The following FAM120A variants were observed in gnomAD, a reference collection of about 807,000 sequenced individuals.
FAM120A encodes family with sequence similarity 120 member A, also known as constitutive coactivator of PPAR-gamma-like protein 1.
A neutral mutation model predicts 109.7 loss-of-function variants in FAM120A; 15 were observed. The observed-to-expected ratio is 0.14, with a 90% CI of 0.09 to 0.21. FAM120A has a LOEUF of 0.21. Ranked by LOEUF, FAM120A falls within the 10% of genes least tolerant of loss-of-function variation. The pLI, the probability that FAM120A is intolerant of heterozygous loss-of-function variation, is 1.00. For synonymous variants in FAM120A, 493 were observed against 572.8 expected, an observed-to-expected ratio of 0.86 and a Z score of 1.99; for missense variants, 899 against 1,439.3, an observed-to-expected ratio of 0.62 and a Z score of 6.07.
chr9:93,455,885 GCTCCTGAC>G (rs1387379186), intron 1 of FAM120A, among the ~76,000 whole-genome samples: 5 of 152,218 alleles, frequency 3.3e-5, no homozygotes, highest in African/African-American at 1.2e-4. Context: ...CTGGTCTTGA[GCTCCTGAC>G]CTCGTGATCC....
intron 7 of FAM120A, among the ~76,000 whole-genome samples, chr9:93,520,674 G>A (rs1036223502): frequency 6.6e-6 from 1 of 152,230 alleles, no homozygotes; most frequent in African/African-American, 2.4e-5. Flanking sequence ...AGGAAGGTGG[G>A]TGTGTGGTGT....
chr9:93,563,798 A>G (rs1862549432), intron 17 of FAM120A, among the ~76,000 whole-genome samples: 1 of 152,362 alleles, frequency 6.6e-6, no homozygotes, highest in Admixed American at 6.5e-5. Flanking sequence ...TTCCCTAGCA[A>G]TGACTGTATT....
intron 13 of FAM120A, among the ~76,000 whole-genome samples, chr9:93,557,160 G>A (rs1292381603): frequency 8.1e-6 from 1 of 123,772 alleles, no homozygotes; most frequent in Non-Finnish European, 1.6e-5. Flanking sequence ...ATGGAGTTTC[G>A]CTCTTGTCGC....
At position 93,564,294 on chromosome 9, in the gene FAM120A, A is replaced by G. The variant is rs768770334; in HGVS notation, c.3111A>G (p.Glu1037=). 1.2e-6 allele frequency: 2 copies of G among 1,614,178 alleles called. No individual in the cohort carries two copies. The highest frequency in any genetic ancestry group is 1.1e-5 in the South Asian group (1 of 91,088). Residue 1037 remains glutamate (E), a synonymous_variant, in exon 18 of 18, where the codon GAA becomes GAG. Transcript: ENST00000277165. The stretch of plus-strand genomic sequence containing the variant: ...AAGAACTTAAGTCAAAATCTGGGGA[A>G]TCGAAGTCCTCTGCTATGTCTTCAG... ...VAKELKSKSG[E]SKSSAMSSDG... is the part of the protein sequence containing the mutation.
At chr9:93,472,329 T>C (rs1470018896) in intron 2 of FAM120A, among the ~76,000 whole-genome samples, 1 of 152,244 alleles carries the variant, frequency 6.6e-6, no homozygotes, top group East Asian at 1.9e-4. Flanking sequence ...TGTGTTTTCT[T>C]TCTTTGCTCT....
chr9:93,525,572 T>C (rs1861041825), intron 7 of FAM120A, among the ~76,000 whole-genome samples: 1 of 152,248 alleles, frequency 6.6e-6, no homozygotes, highest in East Asian at 1.9e-4. Context: ...TGCCATGTAC[T>C]TCTAGGCCAG....
chr9:93,532,007 C>T lies in FAM120A; in HGVS notation c.1735-148C>T, dbSNP rs1397677933. ...GCCTGCCAAATGAACTCTTCCTAAA[C>T]ATCTTTATTTAGGCAAGTTGTTAAG... On this transcript the variant is annotated intron_variant, in intron 9 of 17. Coordinates refer to ENST00000277165, the MANE Select transcript of FAM120A (RefSeq NM_014612.5). The surrounding 1 kb of genome is among the most constrained non-coding windows in gnomAD (Gnocchi z 4.3). 1.3e-6 allele frequency: 1 copy of T among 751,058 alleles called. No homozygotes were observed. The highest frequency in any genetic ancestry group is 2.5e-5 in the East Asian group (1 of 40,010). The allele number at this position is 751,058 out of a possible 1,614,324, so 46.5% of individuals were successfully genotyped here. A position where few individuals can be genotyped will look rare whatever the true frequency, so the allele number is the denominator to read the frequency against.
chr9:93,487,576 C>T (rs1460698188), intron 3 of FAM120A, among the ~76,000 whole-genome samples: 1 of 152,174 alleles, frequency 6.6e-6, no homozygotes, highest in African/African-American at 2.4e-5. Context: ...TTACCTTAAG[C>T]AAAGAGTCAA....
At chr9:93,466,881 T>G (rs1361383948) in intron 1 of FAM120A, among the ~76,000 whole-genome samples, 14 of 152,192 alleles carry the variant, frequency 9.2e-5, no homozygotes, top group Admixed American at 8.5e-4. Context: ...TTAACCCTAG[T>G]GTTCCTGCAA....
chr9:93,502,726 A>G (rs1354250189), intron 5 of FAM120A, among the ~76,000 whole-genome samples: 1 of 152,222 alleles, frequency 6.6e-6, no homozygotes, highest in African/African-American at 2.4e-5. Context: ...GGACCTGCCT[A>G]TCTGGAAATG....
At chr9:93,557,704 T>C in intron 13 of FAM120A, 123 bp from the exon 14 acceptor site, 2 of 972,622 alleles carry the variant, frequency 2.1e-6, no homozygotes, top group Non-Finnish European at 1.5e-6. Context: ...TTTGCAGACA[T>C]AGAATTCATG....
chr9:93,521,189 T>C (rs1199908097), intron 7 of FAM120A, among the ~76,000 whole-genome samples: 1 of 152,178 alleles, frequency 6.6e-6, no homozygotes, highest in Non-Finnish European at 1.5e-5. Flanking sequence ...GGAAGCTCAG[T>C]TCTGAGTTTA....
chr9:93,456,492 T>A lies in FAM120A; in HGVS notation c.474+4103T>A, dbSNP rs145481624. 1.5e-4 allele frequency among the ~76,000 whole-genome samples: 23 copies of A among 152,326 alleles called. No individual in the cohort carries two copies. In the East Asian group the frequency reaches 4.4e-3, roughly 29 times the overall value. ...GGTTAGCATAATTACATGTTTGTAT[T>A]TAGAGATGATGGTCTCCCTTCATGT... is the stretch of plus-strand genomic sequence containing the variant. On this transcript the variant is annotated intron_variant, in intron 1 of 17. Coordinates refer to ENST00000277165, the MANE Select transcript of FAM120A (RefSeq NM_014612.5).
intron 3 of FAM120A, among the ~76,000 whole-genome samples, chr9:93,485,609 A>G (rs943899918): frequency 6.6e-6 from 1 of 152,010 alleles, no homozygotes; most frequent in Non-Finnish European, 1.5e-5. Context: ...ACAAAAAATA[A>G]AAAGAAGCAG....
intron 10 of FAM120A, among the ~76,000 whole-genome samples, chr9:93,540,264 A>G (rs533662454): frequency 9.2e-4 from 140 of 152,316 alleles, no homozygotes; most frequent in Non-Finnish European, 1.6e-3. Context: ...TTCCACCTCT[A>G]TTCTCTGGTG....
chr9:93,481,566 A>G (rs188520294), intron 3 of FAM120A, among the ~76,000 whole-genome samples: 2 of 151,986 alleles, frequency 1.3e-5, no homozygotes, highest in African/African-American at 4.8e-5. Context: ...TTCATATTCA[A>G]TTTCATATAT....
rs1338902602 is a variant in FAM120A, at chr9:93,453,544, C to T, written c.474+1155C>T. ...TTGTGAAATTCTGTCTTCGCGGTTG[C>T]CCCCACTGCCCGCGAGGAGATGGTG... On this transcript the variant is annotated intron_variant, in intron 1 of 17. Transcript: ENST00000277165. 2.1e-5 allele frequency: 21 copies of T among 985,294 alleles called. No homozygotes were observed. The East Asian group carries it at 1.8e-3, about 85-fold the overall frequency. The allele number at this position is 985,294 out of a possible 1,614,324, so 61.0% of individuals were successfully genotyped here. A position where few individuals can be genotyped will look rare whatever the true frequency, so the allele number is the denominator to read the frequency against.
chr9:93,538,950 A>G (rs1861609154), intron 10 of FAM120A, among the ~76,000 whole-genome samples: 1 of 152,138 alleles, frequency 6.6e-6, no homozygotes, highest in African/African-American at 2.4e-5. Context: ...TGCTTTCTGT[A>G]AGGAAAATGC....
At chr9:93,562,372 C>T (rs1862498003) in intron 17 of FAM120A, 68 bp downstream of exon 17, 6 of 1,169,040 alleles carry the variant, frequency 5.1e-6, no homozygotes, top group South Asian at 5.0e-5. Context: ...TGAGCTTGCA[C>T]TTCTAGTACC....
Sources: allele counts gnomAD v4.1 joint callset (sites outside exome capture counted in the v4.1 genomes callset), GRCh38; gene constraint gnomAD v4.1.1; non-coding constraint Gnocchi (gnomAD v3.1); transcripts MANE v1.5; gene names NCBI Gene and HGNC (gene_info 2026-07-23, HGNC 2026-07-21).